Variants in FOXP1 observed in about 807,000 individuals in gnomAD.
FOXP1 encodes the protein forkhead box protein P1.
FOXP1 carries 15 observed loss-of-function variants against 98.2 expected under a neutral mutation model. That is an observed-to-expected ratio of 0.15 (90% CI 0.10 to 0.24). The LOEUF is 0.24. Ranked by LOEUF, FOXP1 falls within the 10% of genes least tolerant of loss-of-function variation. The probability of loss-of-function intolerance (pLI) is 1.00; values close to 1 mark genes in which losing one functional copy is unlikely to be tolerated. For missense variants in FOXP1, 633 were observed against 848.5 expected, an observed-to-expected ratio of 0.75 and a Z score of 3.15; for synonymous variants, 371 against 314.5, an observed-to-expected ratio of 1.18 and a Z score of -1.90.
intron 2 of FOXP1, among the ~76,000 whole-genome samples, chr3:71,518,832 T>C (rs1326320954): frequency 6.6e-6 from 1 of 152,220 alleles, no homozygotes; most frequent in Admixed American, 6.5e-5. Flanking sequence ...CAATTCTATA[T>C]ACATTTGATG....
chr3:71,174,821 CACA>C (rs1560064133), intron 6 of FOXP1, among the ~76,000 whole-genome samples: 12 of 151,164 alleles, frequency 7.9e-5, no homozygotes, highest in African/African-American at 2.9e-4. Flanking sequence ...CACACACACA[CACA>C]CACCCCAATA....
chr3:71,560,220 T>C (rs542141235), intron 2 of FOXP1, among the ~76,000 whole-genome samples: 15 of 152,350 alleles, frequency 9.8e-5, no homozygotes, highest in African/African-American at 3.6e-4. Flanking sequence ...GCATCATTAT[T>C]GTCACCACCA....
At position 71,010,422 on chromosome 3, in the gene FOXP1, T is replaced by C. The variant is rs116409073; in HGVS notation, c.974+5127A>G. On this transcript the variant is annotated intron_variant, in intron 12 of 20. Coordinates refer to ENST00000649528, the MANE Select transcript of FOXP1 (RefSeq NM_001349338.3). ...CTCTATGCTGGGAATACTACTACAA[T>C]ACTAGCATAAACTGTTTGTGAGGAT... 6.2e-3 allele frequency among the ~76,000 whole-genome samples: 950 copies of C among 152,248 alleles called. 10 individuals carry two copies. The highest frequency in any genetic ancestry group is 0.02 in the African/African-American group (823 of 41,560).
At position 71,515,129 on chromosome 3, in the gene FOXP1, G is replaced by A. The variant is rs1057052645; in HGVS notation, c.-297-21574C>T. On this transcript the variant is annotated intron_variant, in intron 2 of 20. Coordinates refer to ENST00000649528, the MANE Select transcript of FOXP1 (RefSeq NM_001349338.3). Reference sequence around the variant, plus strand: ...TTTACGACAGACCTCCATTCTCTTCGTTACAAACTGGCATTTCTAGACCCT... The same window carrying A: ...TTTACGACAGACCTCCATTCTCTTCATTACAAACTGGCATTTCTAGACCCT... Among the ~76,000 whole-genome samples, 14 of 152,116 alleles carry A rather than the reference G, an allele frequency of 9.2e-5. No homozygotes were observed. In the East Asian group the frequency reaches 1.7e-3, roughly 19 times the overall value.
chr3:71,343,873 G>A (rs1159834911), intron 4 of FOXP1, among the ~76,000 whole-genome samples: 2 of 152,098 alleles, frequency 1.3e-5, no homozygotes, highest in Non-Finnish European at 2.9e-5. Context: ...ATGCAAGCCT[G>A]GATCTACCCT....
intron 6 of FOXP1, among the ~76,000 whole-genome samples, chr3:71,156,809 C>A (rs1322946380): frequency 6.6e-6 from 1 of 152,212 alleles, no homozygotes; most frequent in African/African-American, 2.4e-5. Flanking sequence ...TGCTTCCATA[C>A]ACAGCAAGGA....
intron 4 of FOXP1, among the ~76,000 whole-genome samples, chr3:71,343,822 C>T (rs1010234456): frequency 3.3e-5 from 5 of 152,154 alleles, no homozygotes; most frequent in Admixed American, 1.3e-4. Context: ...GAGCCCATCA[C>T]GCCTGGCGTT....
intron 2 of FOXP1, among the ~76,000 whole-genome samples, chr3:71,536,985 G>A (rs2044350517): frequency 6.6e-6 from 1 of 152,178 alleles, no homozygotes; most frequent in African/African-American, 2.4e-5. Flanking sequence ...CTGAGCCATG[G>A]AGGGAAGGTC....
chr3:71,340,324 T>C (rs1219541000), intron 4 of FOXP1, among the ~76,000 whole-genome samples: 4 of 152,262 alleles, frequency 2.6e-5, no homozygotes, highest in Non-Finnish European at 5.9e-5. Context: ...TTTGTCCTAA[T>C]ACATTGAGTG....
Position 71,156,510 on chromosome 3 carries a change from G to C in FOXP1, c.180+41692C>G, listed in dbSNP as rs1398307806. Among the ~76,000 whole-genome samples the C allele has an allele frequency of 3.9e-5, 6 of 152,164 alleles. No homozygotes were observed. In the South Asian group the frequency reaches 8.3e-4, roughly 21 times the overall value. ...AAAGAATTTAAATGAGCCTGGGAGG[G>C]GGGGAAAAGAGTGAGCAAAGAGAAA... is the stretch of plus-strand genomic sequence containing the variant. On this transcript the variant is annotated intron_variant, in intron 6 of 20. Transcript: ENST00000649528.
Position 71,217,848 on chromosome 3 carries a change from C to T in FOXP1, c.-11-19456G>A, listed in dbSNP as rs147263454. Among the ~76,000 whole-genome samples the T allele has an allele frequency of 4.6e-3, 701 of 152,244 alleles. 9 individuals are homozygous for T. The highest frequency in any genetic ancestry group is 0.018 in the Admixed American group (268 of 15,288). ...CCTGCTTCCAGAGTGCCCTGCTCAT[C>T]GAACACTCATCTCTCCAAACTCTAC... On this transcript the variant is annotated intron_variant, in intron 5 of 20. Transcript: ENST00000649528.
chr3:71,283,413 A>G (rs897636267), intron 5 of FOXP1, among the ~76,000 whole-genome samples: 1 of 152,248 alleles, frequency 6.6e-6, no homozygotes, highest in South Asian at 2.1e-4. Flanking sequence ...AAGCTTCTGG[A>G]ACCATGGGGC....
intron 2 of FOXP1, chr3:71,570,395 G>A (rs1165336107): frequency 6.6e-6 from 1 of 152,048 alleles, no homozygotes; most frequent in Non-Finnish European, 1.5e-5. Context: ...CAAGGGTGAA[G>A]GATACTTGGA....
chr3:71,372,411 C>T (rs1236790938), intron 3 of FOXP1, among the ~76,000 whole-genome samples: 1 of 152,116 alleles, frequency 6.6e-6, no homozygotes, highest in Non-Finnish European at 1.5e-5. Flanking sequence ...CTGTGCTTTC[C>T]ACTGTATCCT....
At position 71,015,529 on chromosome 3, in the gene FOXP1, C is replaced by T. The variant is rs1553693605; in HGVS notation, c.974+20G>A. 2 of 1,562,280 alleles carry T rather than the reference C, an allele frequency of 1.3e-6. No individual in the cohort carries two copies. Among genetic ancestry groups the T allele is most frequent in the Non-Finnish European group, 1.8e-6 (2 of 1,133,670 alleles). ...GTGTTGGCTATGTAAAAGAAGAAAACAAAATAAAATCATTCTTACTTTAGA... is the reference window on the plus strand; with the variant it reads ...GTGTTGGCTATGTAAAAGAAGAAAATAAAATAAAATCATTCTTACTTTAGA... On this transcript the variant is annotated intron_variant, in intron 12 of 20. Coordinates refer to ENST00000649528, the MANE Select transcript of FOXP1 (RefSeq NM_001349338.3).
At chr3:71,358,689 C>T (rs2078341390) in intron 4 of FOXP1, among the ~76,000 whole-genome samples, 1 of 152,184 alleles carries the variant, frequency 6.6e-6, no homozygotes, top group Admixed American at 6.5e-5. Context: ...GTTTTTGATG[C>T]ATCCAATCAA....
intron 4 of FOXP1, among the ~76,000 whole-genome samples, chr3:71,340,370 C>A (rs541153210): frequency 6.6e-6 from 1 of 152,292 alleles, no homozygotes; most frequent in Non-Finnish European, 1.5e-5. Context: ...GTAAATCTAG[C>A]ATACACTACT....
chr3:71,570,411 C>T (rs1447516756), intron 2 of FOXP1: 1 of 152,180 alleles, frequency 6.6e-6, no homozygotes, highest in Non-Finnish European at 1.5e-5. Flanking sequence ...TTGGACACAA[C>T]ACAATGCCAG....
intron 11 of FOXP1, chr3:71,040,291 A>C (rs1423450406): frequency 1.3e-5 from 2 of 152,150 alleles, no homozygotes; most frequent in East Asian, 3.8e-4. Context: ...TTTTTCACTG[A>C]GCCATTTTTA....
Sources: gnomAD v4.1 joint callset for allele counts (sites outside exome capture counted in the v4.1 genomes callset) on GRCh38, gnomAD v4.1.1 for gene constraint, MANE v1.5 for transcripts, NCBI Gene and HGNC (gene_info 2026-07-23, HGNC 2026-07-21) for gene names.